The following ZNF609 variants were observed in gnomAD, a reference collection of about 807,000 sequenced individuals.
ZNF609 encodes the protein zinc finger protein 609.
A neutral mutation model predicts 109.5 loss-of-function variants in ZNF609; 11 were observed. The ratio of observed to expected loss-of-function variants is 0.10; its 90% confidence interval spans 0.06 to 0.17. The LOEUF is 0.17. Among genes scored for constraint, ZNF609 ranks in the 10% least tolerant of loss-of-function variants. The pLI is 1.00. For missense variants in ZNF609, 1,559 were observed against 1,772.4 expected (o/e 0.88, Z 2.16); for synonymous variants, 646 against 662.0 (o/e 0.98, Z 0.37).
chr15:64,624,432 A>AG (rs2140973935), intron 3 of ZNF609, among the ~76,000 whole-genome samples: 1 of 152,274 alleles, frequency 6.6e-6, no homozygotes, highest in Admixed American at 6.5e-5. Context: ...TGTGCCACCA[A>AG]GCAACCTTCA....
chr15:64,588,426 T>A (rs866142057), intron 2 of ZNF609, among the ~76,000 whole-genome samples: 4 of 5,900 alleles, frequency 6.8e-4, no homozygotes, highest in Non-Finnish European at 1.3e-3. Flanking sequence ...ACACTCTGTC[T>A]AAAAAAAAAA....
Position 64,674,728 on chromosome 15 carries a change from A to T in ZNF609, c.1874A>T (p.Asp625Val). 6.2e-7 allele frequency: 1 copy of T among 1,614,162 alleles called. No homozygotes were observed. The highest frequency in any genetic ancestry group is 8.5e-7 in the Non-Finnish European group (1 of 1,180,044). ...GATGAAACAAGCAATGATGCCTTTG[A>T]TTCTTTAGAAAGGAAGTGTATGGAA... is the stretch of plus-strand genomic sequence containing the variant. ...VMDETSNDAF[D>V]SLERKCMEKE... The change falls in exon 5 of 10, where the codon GAT (aspartate) becomes GTT (valine). Residue 625 changes from aspartate (D) to valine (V), a missense_variant. By Grantham distance (152) the Asp-to-Val change is radical. Around this residue, in one of 4 missense-constraint regions of ZNF609, gnomAD observed 1,204 missense variants for 1,314.1 expected, o/e 0.92. Transcript: ENST00000326648.
chr15:64,624,434 CAA>C, intron 3 of ZNF609, among the ~76,000 whole-genome samples: 1 of 152,256 alleles, frequency 6.6e-6, no homozygotes, highest in Admixed American at 6.5e-5. Context: ...TGCCACCAAG[CAA>C]CCTTCAAGGC....
chr15:64,549,214 G>A (rs958375591), intron 2 of ZNF609, among the ~76,000 whole-genome samples: 1 of 152,096 alleles, frequency 6.6e-6, no homozygotes, highest in African/African-American at 2.4e-5. Flanking sequence ...TTTTGAGACG[G>A]AGTTTAGCTC....
intron 3 of ZNF609, among the ~76,000 whole-genome samples, chr15:64,663,427 G>C (rs1896607233): frequency 6.6e-6 from 1 of 152,102 alleles, no homozygotes; most frequent in Non-Finnish European, 1.5e-5. Context: ...TTGGAGGAGA[G>C]GGTTGTTAAG....
At chr15:64,667,166 G>A (rs941864752) in intron 3 of ZNF609, among the ~76,000 whole-genome samples, 5 of 152,054 alleles carry the variant, frequency 3.3e-5, no homozygotes, top group East Asian at 1.9e-4. Flanking sequence ...CCTGAGATTT[G>A]TAGAAGCCAA....
chr15:64,513,587 T>C (rs1353991400), intron 2 of ZNF609, among the ~76,000 whole-genome samples: 2 of 152,244 alleles, frequency 1.3e-5, no homozygotes, highest in African/African-American at 4.8e-5. Context: ...AAGCTTGACA[T>C]ACTGGCTCCA....
At chr15:64,491,809 C>T (rs764447126) in intron 1 of ZNF609, among the ~76,000 whole-genome samples, 5 of 151,940 alleles carry the variant, frequency 3.3e-5, no homozygotes, top group Non-Finnish European at 7.4e-5. Context: ...TGTGCCGTTG[C>T]ACTCCAGCCT....
intron 2 of ZNF609, among the ~76,000 whole-genome samples, chr15:64,539,928 C>T (rs756858646): frequency 2.6e-5 from 4 of 152,062 alleles, no homozygotes; most frequent in East Asian, 1.9e-4. Flanking sequence ...TGAGCCACTG[C>T]GCCCAGCCTT....
chr15:64,478,324 C>T (rs761884605), intron 1 of ZNF609, among the ~76,000 whole-genome samples: 1 of 151,914 alleles, frequency 6.6e-6, no homozygotes, highest in African/African-American at 2.4e-5. Flanking sequence ...CCTCAGCCTC[C>T]CAGGTAGCTG....
In ZNF609 at chr15:64,473,191, C is replaced by CTTTTTTTTTTTT. The variant is rs951319279; in HGVS notation, c.-128+12366_-128+12377dup. Among the ~76,000 whole-genome samples, 140 of 76,074 alleles carry CTTTTTTTTTTTT rather than the reference C, an allele frequency of 1.8e-3. 11 individuals are homozygous for CTTTTTTTTTTTT. The highest frequency in any genetic ancestry group is 8.5e-3 in the African/African-American group (131 of 15,370). The allele number at this position is 76,074 out of a possible 152,430, so 49.9% of individuals were successfully genotyped here. A position where few individuals can be genotyped will look rare whatever the true frequency, so the allele number is the denominator to read the frequency against. ...TAAAACTTTTGACTCATATTTGGTT[C>CTTTTTTTTTTTT]TTTTTTTTTTTTTTTTTTTTTTTTG... On this transcript the variant is annotated intron_variant, in intron 1 of 9. Transcript: ENST00000326648.
chr15:64,583,933 T>G (rs1895152668), intron 2 of ZNF609, among the ~76,000 whole-genome samples: 1 of 152,248 alleles, frequency 6.6e-6, no homozygotes, highest in East Asian at 1.9e-4. Context: ...CTACCAATTT[T>G]ATAAGCTTAG....
rs1417159404 is a variant in ZNF609, at chr15:64,680,708, C to T, written c.4008C>T (p.Gly1336=). The T allele has an allele frequency of 6.2e-7, 1 of 1,611,664 alleles. No homozygotes were observed. The highest frequency in any genetic ancestry group is 1.7e-5 in the Admixed American group (1 of 59,762). ...GCTGTGGGGTGGTTGGGGGTGGTGG[C>T]AGCTGTAGCAGCGTCGGGGGAGCAA... The part of the protein sequence containing the change: ...RGGCGVVGGG[G]SCSSVGGASG... Residue 1336 remains glycine (G), a synonymous_variant, in exon 8 of 10, where the codon GGC becomes GGT. Transcript: ENST00000326648.
At chr15:64,587,927 C>T (rs921521901) in intron 2 of ZNF609, among the ~76,000 whole-genome samples, 96 of 151,852 alleles carry the variant, frequency 6.3e-4, no homozygotes, top group African/African-American at 2.1e-3. Context: ...GCTTGGCCAG[C>T]AGGGGTTTTT....
chr15:64,607,436 A>T (rs1228080263), intron 2 of ZNF609, among the ~76,000 whole-genome samples: 1 of 151,896 alleles, frequency 6.6e-6, no homozygotes, highest in African/African-American at 2.4e-5. Context: ...ATTAAACCAG[A>T]CATTGAAAAT....
intron 2 of ZNF609, among the ~76,000 whole-genome samples, chr15:64,614,182 A>G (rs2140963814): frequency 6.6e-6 from 1 of 151,676 alleles, no homozygotes; most frequent in African/African-American, 2.4e-5. Context: ...TGGACTCCCA[A>G]AGTGCTGGGA....
chr15:64,478,034 G>A (rs1893197111), intron 1 of ZNF609, among the ~76,000 whole-genome samples: 1 of 152,090 alleles, frequency 6.6e-6, no homozygotes, highest in Non-Finnish European at 1.5e-5. Flanking sequence ...GGATATATTG[G>A]GACCCATTTA....
chr15:64,661,734 T>A (rs141745978), intron 3 of ZNF609, among the ~76,000 whole-genome samples: 1 of 152,322 alleles, frequency 6.6e-6, no homozygotes, highest in African/African-American at 2.4e-5. Flanking sequence ...AAGTTGGCTC[T>A]TAATAAACAT....
intron 2 of ZNF609, among the ~76,000 whole-genome samples, chr15:64,527,919 C>T (rs1388453493): frequency 6.6e-6 from 1 of 152,170 alleles, no homozygotes; most frequent in Admixed American, 6.6e-5. Context: ...CCCTTTCTTT[C>T]CCACTTGTCA....
Sources: gnomAD v4.1 joint callset for allele counts (sites outside exome capture counted in the v4.1 genomes callset) on GRCh38, gnomAD v4.1.1 for gene constraint, gnomAD v4.1.1 regional missense constraint, MANE v1.5 for transcripts, NCBI Gene and HGNC (gene_info 2026-07-23, HGNC 2026-07-21) for gene names.